The following ZC3H12C variants were observed in gnomAD, a reference collection of about 807,000 sequenced individuals.
The protein encoded by ZC3H12C is probable ribonuclease ZC3H12C.
In ZC3H12C, 20 loss-of-function variants were observed where a neutral mutation model predicts 76.3. That is an observed-to-expected ratio of 0.26 (90% CI 0.18 to 0.38). The LOEUF is 0.38. Ranked by LOEUF, ZC3H12C falls within the 10% of genes least tolerant of loss-of-function variation. ZC3H12C has a pLI of 1.00. For synonymous variants in ZC3H12C, 352 were observed against 399.6 expected (o/e 0.88, Z 1.42); for missense variants, 874 against 1,086.5 (o/e 0.80, Z 2.75).
At chr11:110,116,609 G>A (rs1861530508) in intron 1 of ZC3H12C, among the ~76,000 whole-genome samples, 1 of 152,106 alleles carries the variant, frequency 6.6e-6, no homozygotes, top group African/African-American at 2.4e-5. Flanking sequence ...ATGAGAATAT[G>A]GAATAAATAA....
intron 1 of ZC3H12C, among the ~76,000 whole-genome samples, chr11:110,110,899 A>G (rs1861416160): frequency 6.6e-6 from 1 of 152,254 alleles, no homozygotes; most frequent in South Asian, 2.1e-4. Flanking sequence ...AATTTAAAGT[A>G]TGATTTTTAA....
intron 3 of ZC3H12C, among the ~76,000 whole-genome samples, chr11:110,154,334 C>A (rs1036501530): frequency 1.3e-5 from 2 of 148,426 alleles, no homozygotes; most frequent in Non-Finnish European, 1.5e-5. Context: ...CACGCCACTG[C>A]ACTCCAAGCT....
intron 3 of ZC3H12C, among the ~76,000 whole-genome samples, chr11:110,156,042 A>G (rs2134194337): frequency 6.6e-6 from 1 of 152,290 alleles, no homozygotes; most frequent in South Asian, 2.1e-4. Flanking sequence ...TTTTAAAAAT[A>G]CCAGCATGCC....
chr11:110,148,115 TA>T (rs1361250503), intron 2 of ZC3H12C, among the ~76,000 whole-genome samples: 1 of 152,228 alleles, frequency 6.6e-6, no homozygotes, highest in Non-Finnish European at 1.5e-5. Context: ...TCAGTTACTT[TA>T]TCTCTTCCTC....
chr11:110,144,111 C>A (rs192636677), intron 2 of ZC3H12C, among the ~76,000 whole-genome samples: 3 of 151,866 alleles, frequency 2.0e-5, no homozygotes, highest in Admixed American at 2.0e-4. Context: ...TGTTTGGTTT[C>A]TTTTTAAAAC....
intron 1 of ZC3H12C, among the ~76,000 whole-genome samples, chr11:110,133,259 A>T (rs1162611604): frequency 6.6e-6 from 1 of 152,172 alleles, no homozygotes. Flanking sequence ...ATCAATACAA[A>T]TCAGGTTATT....
Position 110,165,535 on chromosome 11 carries a change from A to G in ZC3H12C, c.2450A>G (p.Glu817Gly), listed in dbSNP as rs1485013245. Residue 817 changes from glutamate (E) to glycine (G), a missense_variant, in exon 6 of 6, where the codon GAG becomes GGG. Physicochemically the swap from Glu to Gly is moderately conservative, Grantham distance 98. This residue lies in a region of ZC3H12C where 395 missense variants were observed against 434.4 expected (regional missense o/e 0.91). Coordinates refer to ENST00000278590, the MANE Select transcript of ZC3H12C (RefSeq NM_033390.2). ...TTCCAGAGCCTCCCTGAGCAACAGG[A>G]GCCAGCCTGGCGGATCCCATACTGT... is the stretch of plus-strand genomic sequence containing the variant. ...FTFQSLPEQQ[E>G]PAWRIPYCGM... is the part of the protein sequence containing the mutation. The G allele has an allele frequency of 6.2e-7, 1 of 1,613,918 alleles. No homozygotes were observed. Among genetic ancestry groups the G allele is most frequent in the South Asian group, 1.1e-5 (1 of 91,070 alleles).
intron 1 of ZC3H12C, among the ~76,000 whole-genome samples, chr11:110,119,024 A>G (rs1296983030): frequency 6.6e-6 from 1 of 152,168 alleles, no homozygotes; most frequent in Non-Finnish European, 1.5e-5. Context: ...TCCAAAGAGT[A>G]TCTGGAAGCA....
At chr11:110,117,826 A>G (rs1861563580) in intron 1 of ZC3H12C, among the ~76,000 whole-genome samples, 1 of 109,674 alleles carries the variant, frequency 9.1e-6, no homozygotes, top group Non-Finnish European at 1.8e-5. Context: ...ATACACACAC[A>G]CATATAATAT....
In ZC3H12C at chr11:110,165,785, A is replaced by G. The variant is rs749253739; in HGVS notation, c.*48A>G. On this transcript the variant is annotated 3_prime_UTR_variant, in exon 6 of 6. Transcript: ENST00000278590. ...TTTAGTAGTTTTTTGTTCAGCTCAA[A>G]TGCTGAGGGAGGTTTGCTACAATAG... is the stretch of plus-strand genomic sequence containing the variant. 1 of 1,497,094 alleles carries G rather than the reference A, an allele frequency of 6.7e-7. No individual in the cohort carries two copies. Among genetic ancestry groups the G allele is most frequent in the South Asian group, 1.3e-5 (1 of 76,410 alleles). 92.7% of individuals were successfully genotyped at this position (1,497,094 alleles called of 1,614,324 possible). A position where few individuals can be genotyped will look rare whatever the true frequency, so the allele number is the denominator to read the frequency against.
intron 3 of ZC3H12C, among the ~76,000 whole-genome samples, chr11:110,157,899 G>A (rs746656480): frequency 3.9e-5 from 6 of 152,142 alleles, no homozygotes; most frequent in Non-Finnish European, 8.8e-5. Flanking sequence ...AATCTTGATG[G>A]CTGTTACACC....
In ZC3H12C at chr11:110,168,207, C is replaced by G. The variant is rs545882008; in HGVS notation, c.*2470C>G. 5 of 152,142 alleles carry G rather than the reference C, an allele frequency of 3.3e-5. No individual in the cohort carries two copies. In the East Asian group the frequency reaches 9.6e-4, roughly 29 times the overall value. The allele number at this position is 152,142 out of a possible 1,614,324, so 9.4% of individuals were successfully genotyped here. A position where few individuals can be genotyped will look rare whatever the true frequency, so the allele number is the denominator to read the frequency against. Reference sequence around the variant, plus strand: ...TTAAATTATGGGAAAATAGTGTAGCCAGCTGCCACCTCTACTGAAGTGAGT... The same window carrying G: ...TTAAATTATGGGAAAATAGTGTAGCGAGCTGCCACCTCTACTGAAGTGAGT... On this transcript the variant is annotated 3_prime_UTR_variant, in exon 6 of 6. Transcript: ENST00000278590.
In ZC3H12C at chr11:110,136,812, T is replaced by A; in HGVS notation, c.171T>A (p.Ala57=). The A allele has an allele frequency of 6.2e-7, 1 of 1,613,950 alleles. No homozygotes were observed. Among genetic ancestry groups the A allele is most frequent in the Non-Finnish European group, 8.5e-7 (1 of 1,179,878 alleles). The stretch of plus-strand genomic sequence containing the variant: ...GCACTGACCCACAGTTAAGTCCAGC[T>A]GTACCTTGGTCAACAGTAGAAAACC... ...VESTDPQLSP[A]VPWSTVENPS... The change falls in exon 2 of 6, where the codon GCT becomes GCA. Residue 57 remains alanine (A), a synonymous_variant. Transcript: ENST00000278590.
At chr11:110,100,559 G>T (rs1468328334) in intron 1 of ZC3H12C, among the ~76,000 whole-genome samples, 3 of 152,114 alleles carry the variant, frequency 2.0e-5, no homozygotes, top group African/African-American at 7.2e-5. Context: ...CCTTTGTGTT[G>T]CTGGGTCACG....
In ZC3H12C at chr11:110,164,859, A is replaced by G. The variant is rs1862547891; in HGVS notation, c.1774A>G (p.Met592Val). ...ACCTGTCGACATCGGATATTATTCC[A>G]TGTTGAATGCATACTCAAATCTGAG... is the stretch of plus-strand genomic sequence containing the variant. ...DSPVDIGYYS[M>V]LNAYSNLSLS... The change falls in exon 6 of 6, where the codon ATG becomes GTG. Residue 592 changes from methionine (M) to valine (V), a missense_variant. Around this residue, in one of 3 missense-constraint regions of ZC3H12C, gnomAD observed 395 missense variants for 434.4 expected, o/e 0.91. Coordinates refer to ENST00000278590, the MANE Select transcript of ZC3H12C (RefSeq NM_033390.2). This position sits in a 1 kb window ranked among gnomAD's most constrained non-coding sequence, Gnocchi z 5.7. The G allele has an allele frequency of 1.2e-6, 2 of 1,614,072 alleles. No individual in the cohort carries two copies. The highest frequency in any genetic ancestry group is 1.1e-5 in the South Asian group (1 of 91,088).
intron 2 of ZC3H12C, among the ~76,000 whole-genome samples, chr11:110,137,958 G>A (rs1862000820): frequency 1.3e-5 from 2 of 152,168 alleles, no homozygotes; most frequent in Non-Finnish European, 2.9e-5. Flanking sequence ...AAAACTTTCA[G>A]TGATAATTTT....
At chr11:110,146,224 A>G (rs624543) in intron 2 of ZC3H12C, among the ~76,000 whole-genome samples, 51,800 of 151,904 alleles carry the variant, frequency 0.34, 9,832 homozygotes, top group African/African-American at 0.51. Flanking sequence ...TCCTGACCTC[A>G]TGATCCGCCC....
chr11:110,162,779 G>A (rs1862503590), intron 4 of ZC3H12C, among the ~76,000 whole-genome samples: 1 of 152,156 alleles, frequency 6.6e-6, no homozygotes, highest in Non-Finnish European at 1.5e-5. Flanking sequence ...AATACTTCGT[G>A]GGATCATGGT....
chr11:110,150,109 T>C (rs1862244478), intron 2 of ZC3H12C, among the ~76,000 whole-genome samples: 1 of 152,156 alleles, frequency 6.6e-6, no homozygotes, highest in African/African-American at 2.4e-5. Flanking sequence ...TGCTAAATAG[T>C]TCATCTTTTC....
Sources: allele counts gnomAD v4.1 joint callset (sites outside exome capture counted in the v4.1 genomes callset), GRCh38; gene constraint gnomAD v4.1.1; regional missense constraint gnomAD v4.1.1; non-coding constraint Gnocchi (gnomAD v3.1); transcripts MANE v1.5; gene names NCBI Gene and HGNC (gene_info 2026-07-23, HGNC 2026-07-21).